CDH18: variants seen among roughly 807,000 people sequenced by gnomAD.
CDH18 encodes cadherin 18.
CDH18 carries 31 observed loss-of-function variants against 67.9 expected under a neutral mutation model. That is an observed-to-expected ratio of 0.46 (90% CI 0.34 to 0.62). CDH18 has a LOEUF of 0.62. Ranked by LOEUF, CDH18 falls within the 20% of genes least tolerant of loss-of-function variation. The probability of loss-of-function intolerance (pLI) is 0.01; values close to 1 mark genes in which losing one functional copy is unlikely to be tolerated. For synonymous variants in CDH18, 362 were observed against 347.2 expected (o/e 1.04, Z -0.48); for missense variants, 890 against 975.5 (o/e 0.91, Z 1.17).
chr5:20,487,607 T>G (rs765486001), intron 1 of CDH18, among the ~76,000 whole-genome samples: 1 of 151,336 alleles, frequency 6.6e-6, no homozygotes, highest in Non-Finnish European at 1.5e-5. Context: ...ATCTTAAATA[T>G]CACTATACAG....
chr5:19,834,651 A>G (rs961897400), intron 3 of CDH18, among the ~76,000 whole-genome samples: 1 of 152,150 alleles, frequency 6.6e-6, no homozygotes, highest in Non-Finnish European at 1.5e-5. Flanking sequence ...GCTTTCTGAT[A>G]TGTGAATTTA....
chr5:20,292,465 A>G (rs984178606), intron 1 of CDH18, among the ~76,000 whole-genome samples: 1 of 152,216 alleles, frequency 6.6e-6, no homozygotes, highest in African/African-American at 2.4e-5. Flanking sequence ...TTCACTTGTC[A>G]TTATTTTTGA....
At chr5:19,600,194 C>A (rs540368230) in intron 6 of CDH18, among the ~76,000 whole-genome samples, 1 of 113,424 alleles carries the variant, frequency 8.8e-6, no homozygotes, top group Non-Finnish European at 1.8e-5. Flanking sequence ...CACACCGGGG[C>A]CTGTCGTGGG....
At chr5:20,539,138 T>A (rs566445458) in intron 1 of CDH18, among the ~76,000 whole-genome samples, 1 of 152,046 alleles carries the variant, frequency 6.6e-6, no homozygotes, top group East Asian at 1.9e-4. Context: ...ATCCAGCCGC[T>A]TCAGCCTCCG....
At chr5:19,612,166 C>T (rs1749086087) in intron 6 of CDH18, among the ~76,000 whole-genome samples, 1 of 152,116 alleles carries the variant, frequency 6.6e-6, no homozygotes, top group Non-Finnish European at 1.5e-5. Context: ...GGCAAGATGC[C>T]ATTTTTTAGT....
intron 2 of CDH18, among the ~76,000 whole-genome samples, chr5:19,843,163 T>G (rs1782534538): frequency 6.6e-6 from 1 of 152,176 alleles, no homozygotes; most frequent in Admixed American, 6.5e-5. Context: ...CTCCAGGGCA[T>G]GTCAGAGACC....
chr5:20,384,002 C>G (rs1226191988), intron 1 of CDH18, among the ~76,000 whole-genome samples: 2 of 151,914 alleles, frequency 1.3e-5, no homozygotes, highest in Non-Finnish European at 2.9e-5. Context: ...TCAATACTAT[C>G]AAAGATAAAT....
At chr5:19,818,702 C>T (rs1225543974) in intron 3 of CDH18, among the ~76,000 whole-genome samples, 1 of 152,158 alleles carries the variant, frequency 6.6e-6, no homozygotes, top group African/African-American at 2.4e-5. Context: ...TAGCATGTTA[C>T]TGTACTGAAT....
chr5:20,032,724 G>A (rs1195247113), intron 2 of CDH18, among the ~76,000 whole-genome samples: 2 of 151,942 alleles, frequency 1.3e-5, no homozygotes, highest in African/African-American at 4.8e-5. Flanking sequence ...CATAGAATAT[G>A]TGGGTGATGT....
chr5:19,801,354 C>T (rs887404977), intron 3 of CDH18, among the ~76,000 whole-genome samples: 1 of 152,136 alleles, frequency 6.6e-6, no homozygotes, highest in Non-Finnish European at 1.5e-5. Context: ...TAAAGTCTAA[C>T]ACTGTCAAAG....
At chr5:19,992,447 C>T (rs1406986724), upstream of CDH18, among the ~76,000 whole-genome samples, 1 of 137,484 alleles carries the variant, frequency 7.3e-6, no homozygotes, top group Non-Finnish European at 1.5e-5. Flanking sequence ...ATATGCCAGA[C>T]TTAAAAAAAA....
intron 2 of CDH18, among the ~76,000 whole-genome samples, chr5:19,881,206 A>T (rs1295397064): frequency 6.6e-6 from 1 of 152,310 alleles, no homozygotes; most frequent in East Asian, 1.9e-4. Context: ...GAAGAGAGTA[A>T]GTCCTTTCAA....
chr5:19,886,282 C>A (rs539574193), intron 2 of CDH18: 1 of 152,212 alleles, frequency 6.6e-6, no homozygotes, highest in Non-Finnish European at 1.5e-5. Flanking sequence ...AATGAAAATG[C>A]ACCCAGTACC....
At chr5:20,528,270 T>C (rs1756188383) in intron 1 of CDH18, among the ~76,000 whole-genome samples, 1 of 152,132 alleles carries the variant, frequency 6.6e-6, no homozygotes, top group South Asian at 2.1e-4. Context: ...AAACAAGACC[T>C]ACAAAGAGAC....
chr5:20,143,298 T>C (rs962543343), intron 2 of CDH18, among the ~76,000 whole-genome samples: 5 of 152,164 alleles, frequency 3.3e-5, no homozygotes, highest in Admixed American at 3.3e-4. Context: ...ATGAATTGAT[T>C]GAGATGGAAA....
chr5:19,563,863 C>T (rs962342569), intron 8 of CDH18, among the ~76,000 whole-genome samples: 1 of 152,174 alleles, frequency 6.6e-6, no homozygotes, highest in African/African-American at 2.4e-5. Context: ...CAACCCCTCC[C>T]TCATACCCTG....
chr5:20,278,280 A>C (rs902661502), intron 1 of CDH18, among the ~76,000 whole-genome samples: 1 of 150,944 alleles, frequency 6.6e-6, no homozygotes, highest in Admixed American at 6.6e-5. Flanking sequence ...AGAAACAAAT[A>C]ACATAGGATG....
intron 2 of CDH18, among the ~76,000 whole-genome samples, chr5:19,875,498 T>C (rs1046690705): frequency 6.6e-6 from 1 of 151,996 alleles, no homozygotes; most frequent in African/African-American, 2.4e-5. Flanking sequence ...ATTATAAAGA[T>C]TTAAAGCCAT....
At chr5:20,358,932 C>CTTTTTT (rs66786530) in intron 1 of CDH18, among the ~76,000 whole-genome samples, 1 of 128,178 alleles carries the variant, frequency 7.8e-6, no homozygotes, top group Non-Finnish European at 1.6e-5. Context: ...TTTTTTCTTT[C>CTTTTTT]TTTTTTTTTT....
Sources: allele counts gnomAD v4.1 joint callset (sites outside exome capture counted in the v4.1 genomes callset), GRCh38; gene constraint gnomAD v4.1.1; transcripts MANE v1.5; gene names NCBI Gene and HGNC (gene_info 2026-07-23, HGNC 2026-07-21).